GLYR1: variants seen among roughly 807,000 people sequenced by gnomAD.
GLYR1 encodes the protein cytokine-like nuclear factor N-PAC.
In GLYR1, 21 loss-of-function variants were observed where a neutral mutation model predicts 72.7. That is an observed-to-expected ratio of 0.29 (90% CI 0.20 to 0.42). The LOEUF (loss-of-function observed/expected upper bound fraction) is 0.42, where lower values mean the gene tolerates loss of function less well. GLYR1 is among the 10% of genes least tolerant of loss of function. GLYR1 has a pLI of 1.00. For synonymous variants in GLYR1, 392 were observed against 270.2 expected (o/e 1.45, Z -4.42); for missense variants, 594 against 712.1 (o/e 0.83, Z 1.89).
chr16:4,805,229 C>G lies in GLYR1; in HGVS notation c.*7G>C. The G allele has an allele frequency of 6.2e-7, 1 of 1,613,498 alleles. No individual in the cohort carries two copies. The highest frequency in any genetic ancestry group is 8.5e-7 in the Non-Finnish European group (1 of 1,179,720). ...GATTGGAGGGGTGAGGGCGGGGTGT[C>G]GACAGCTTAGTGTATGTAGGCTCGG... On this transcript the variant is annotated 3_prime_UTR_variant, in exon 16 of 16. Transcript: ENST00000321919.
At chr16:4,825,194 C>T (rs895395493) in intron 5 of GLYR1, among the ~76,000 whole-genome samples, 2 of 152,208 alleles carry the variant, frequency 1.3e-5, no homozygotes, top group Admixed American at 1.3e-4. Context: ...CTTCCAGTCT[C>T]ACATAGTAAA....
chr16:4,847,230 C>A lies in GLYR1; in HGVS notation c.36G>T (p.Val12=). 3 of 1,607,490 alleles carry A rather than the reference C, an allele frequency of 1.9e-6. No individual in the cohort carries two copies. Among genetic ancestry groups the A allele is most frequent in the Non-Finnish European group, 1.7e-6 (2 of 1,178,172 alleles). ...TTGGCCCGGCCGCTCGGACTCACCA[C>A]ACCAAGTCGCCGAGCCGCAGACTCA... is the stretch of plus-strand genomic sequence containing the variant. ...AAVSLRLGDL[V]WGKLGRYPPW... The change falls in exon 1 of 16, where the codon GTG becomes GTT. Residue 12 remains valine (V), a splice_region_variant and synonymous_variant. Transcript: ENST00000321919.
Position 4,838,806 on chromosome 16 carries a change from C to T in GLYR1, c.156-5894G>A, listed in dbSNP as rs1027248779. ...GTTTCACCATGTTAGCCAGCATGGT[C>T]TTGATCTCCTGACCTCGTGATCCGC... is the stretch of plus-strand genomic sequence containing the variant. On this transcript the variant is annotated intron_variant, in intron 3 of 15. Coordinates refer to ENST00000321919, the MANE Select transcript of GLYR1 (RefSeq NM_032569.4). Among the ~76,000 whole-genome samples the T allele has an allele frequency of 3.9e-5, 6 of 152,228 alleles. No individual in the cohort carries two copies. In the East Asian group the frequency reaches 1.2e-3, roughly 29 times the overall value.
At chr16:4,819,984 G>A (rs966531479) in intron 9 of GLYR1, among the ~76,000 whole-genome samples, 5 of 152,146 alleles carry the variant, frequency 3.3e-5, no homozygotes, top group Admixed American at 1.3e-4. Flanking sequence ...AGGAAGTCCA[G>A]TAGACCTGGG....
At chr16:4,810,024 C>A (rs1293502712) in intron 15 of GLYR1, among the ~76,000 whole-genome samples, 2 of 151,932 alleles carry the variant, frequency 1.3e-5, no homozygotes, top group African/African-American at 4.8e-5. Context: ...AATCAATAAT[C>A]ATTAGATATC....
At chr16:4,818,322 T>C (rs912013089) in intron 9 of GLYR1, among the ~76,000 whole-genome samples, 8 of 151,934 alleles carry the variant, frequency 5.3e-5, no homozygotes, top group Non-Finnish European at 1.0e-4. Context: ...TGAGATAGTG[T>C]CTTGTTCTGT....
chr16:4,845,001 T>C (rs2085889832), intron 3 of GLYR1, 73 bp downstream of exon 3: 1 of 974,204 alleles, frequency 1.0e-6, no homozygotes, highest in Non-Finnish European at 1.6e-6. Context: ...CCTTAGAATA[T>C]TTTCAAAGCA....
chr16:4,816,365 A>G (rs909325219), intron 10 of GLYR1, among the ~76,000 whole-genome samples: 1 of 151,952 alleles, frequency 6.6e-6, no homozygotes, highest in African/African-American at 2.4e-5. Context: ...CTGGTCTCAA[A>G]TTCCTGGACT....
intron 15 of GLYR1, among the ~76,000 whole-genome samples, chr16:4,809,611 CAAAAAA>C (rs1245851187): frequency 1.2e-5 from 1 of 80,242 alleles, no homozygotes; most frequent in Admixed American, 1.4e-4. Flanking sequence ...AACTCCGTCT[CAAAAAA>C]AAAAAAAAAA....
At position 4,804,836 on chromosome 16, in the gene GLYR1, C is replaced by T. The variant is rs1372026457; in HGVS notation, c.*400G>A. Reference sequence around the variant, plus strand: ...AGGCTTCCAACTCTCGTTGCTGATTCTAGTTCCTTGACTGGAAGGGGTTTG... The same window carrying T: ...AGGCTTCCAACTCTCGTTGCTGATTTTAGTTCCTTGACTGGAAGGGGTTTG... On this transcript the variant is annotated 3_prime_UTR_variant, in exon 16 of 16. Transcript: ENST00000321919. 4.4e-6 allele frequency: 1 copy of T among 224,932 alleles called. No homozygotes were observed. The highest frequency in any genetic ancestry group is 9.2e-6 in the Non-Finnish European group (1 of 109,192). 13.9% of individuals were successfully genotyped at this position (224,932 alleles called of 1,614,324 possible).
At chr16:4,838,431 G>T (rs1290971190) in intron 3 of GLYR1, among the ~76,000 whole-genome samples, 1 of 152,152 alleles carries the variant, frequency 6.6e-6, no homozygotes, top group Non-Finnish European at 1.5e-5. Context: ...GACTGGAGGG[G>T]AAGACTGCTA....
intron 1 of GLYR1, 55 bp from the exon 2 acceptor site, chr16:4,846,265 T>C (rs2086047949): frequency 3.2e-6 from 5 of 1,561,236 alleles, no homozygotes; most frequent in African/African-American, 1.4e-5. Context: ...TCCATCTCCT[T>C]CAACCCACTC....
In GLYR1 at chr16:4,838,754, T is replaced by A. The variant is rs544441257; in HGVS notation, c.156-5842A>T. ...GGTGCCCGCCACCACGCCCAGCTAA[T>A]TTTTTTGTATTTTTAGGAGAGACGG... On this transcript the variant is annotated intron_variant, in intron 3 of 15. Coordinates refer to ENST00000321919, the MANE Select transcript of GLYR1 (RefSeq NM_032569.4). 4.0e-5 allele frequency among the ~76,000 whole-genome samples: 6 copies of A among 151,752 alleles called. No homozygotes were observed. In the East Asian group the frequency reaches 1.2e-3, roughly 29 times the overall value.
In GLYR1 at chr16:4,803,720, A is replaced by C. The variant is rs1187942301; in HGVS notation, c.*1516T>G. 1 of 152,018 alleles carries C rather than the reference A, an allele frequency of 6.6e-6. No homozygotes were observed. Among genetic ancestry groups the C allele is most frequent in the Non-Finnish European group, 1.5e-5 (1 of 67,996 alleles). 9.4% of individuals were successfully genotyped at this position (152,018 alleles called of 1,614,324 possible). ...CCCCACTCGTCTTCTGCAATCCTCT[A>C]ACCCAGTTTCTAATCTCTGAAAGGG... is the stretch of plus-strand genomic sequence containing the variant. On this transcript the variant is annotated 3_prime_UTR_variant, in exon 16 of 16. Transcript: ENST00000321919.
At chr16:4,818,457 AT>A (rs1322556836) in intron 9 of GLYR1, among the ~76,000 whole-genome samples, 2 of 150,994 alleles carry the variant, frequency 1.3e-5, no homozygotes, top group African/African-American at 4.9e-5. Context: ...AGCACACCTA[AT>A]TTTTTGTGGA....
At chr16:4,831,419 C>T (rs907898867) in intron 5 of GLYR1, among the ~76,000 whole-genome samples, 2 of 152,180 alleles carry the variant, frequency 1.3e-5, no homozygotes, top group South Asian at 4.1e-4. Context: ...AGGCCCTCCA[C>T]GATCCAGGGA....
rs867071935 is a variant in GLYR1, at chr16:4,805,168, C to T, written c.*68G>A. The T allele has an allele frequency of 3.9e-4, 527 of 1,358,900 alleles. 2 individuals carry two copies. The highest frequency in any genetic ancestry group is 1.5e-3 in the African/African-American group (107 of 70,080). The allele number at this position is 1,358,900 out of a possible 1,614,324, so 84.2% of individuals were successfully genotyped here. ...CTGGTCCAGAATGAACTCCCAGGCC[C>T]CCGACCCCATGTGAGGAAGAGGGGG... On this transcript the variant is annotated 3_prime_UTR_variant, in exon 16 of 16. Coordinates refer to ENST00000321919, the MANE Select transcript of GLYR1 (RefSeq NM_032569.4).
chr16:4,833,763 G>C (rs745462261), intron 3 of GLYR1, among the ~76,000 whole-genome samples: 1 of 152,170 alleles, frequency 6.6e-6, no homozygotes, highest in African/African-American at 2.4e-5. Flanking sequence ...AAAGTAGTCA[G>C]CTGTCAATTC....
At chr16:4,813,871 G>C in intron 11 of GLYR1, 33 bp from the exon 12 acceptor site, 1 of 1,551,732 alleles carries the variant, frequency 6.4e-7, no homozygotes, top group East Asian at 2.3e-5. Context: ...CAATAGCCCA[G>C]GCTCCCGGGC....
Sources: gnomAD v4.1 joint callset for allele counts (sites outside exome capture counted in the v4.1 genomes callset) on GRCh38, gnomAD v4.1.1 for gene constraint, MANE v1.5 for transcripts, NCBI Gene and HGNC (gene_info 2026-07-23, HGNC 2026-07-21) for gene names.